The following KCNK10 variants were observed in gnomAD, a reference collection of about 807,000 sequenced individuals.
KCNK10 encodes the protein potassium two pore domain channel subfamily K member 10.
KCNK10 carries 25 observed loss-of-function variants against 47.7 expected under a neutral mutation model. That is an observed-to-expected ratio of 0.52 (90% CI 0.38 to 0.73). The LOEUF is 0.73. Among genes scored for constraint, KCNK10 ranks in the 30% least tolerant of loss-of-function variants. The pLI is 0.00. For synonymous variants in KCNK10, 303 were observed against 285.6 expected, an observed-to-expected ratio of 1.06 and a Z score of -0.61; for missense variants, 563 against 714.5, an observed-to-expected ratio of 0.79 and a Z score of 2.42.
intron 3 of KCNK10, among the ~76,000 whole-genome samples, chr14:88,230,730 C>A (rs1886136473): frequency 6.6e-6 from 1 of 152,080 alleles, no homozygotes; most frequent in South Asian, 2.1e-4. Flanking sequence ...TACTGGGTGC[C>A]ACAAATTATG....
intron 5 of KCNK10, among the ~76,000 whole-genome samples, chr14:88,191,900 A>G (rs1884759717): frequency 6.6e-6 from 1 of 152,204 alleles, no homozygotes; most frequent in African/African-American, 2.4e-5. Context: ...AGCCTTTATC[A>G]TTGGATTAGA....
chr14:88,270,144 C>T (rs1334983130), intron 1 of KCNK10, among the ~76,000 whole-genome samples: 1 of 151,094 alleles, frequency 6.6e-6, no homozygotes, highest in Non-Finnish European at 1.5e-5. Context: ...TGGAATCATT[C>T]CGGGGCCACC....
At position 88,192,342 on chromosome 14, in the gene KCNK10, A is replaced by C; in HGVS notation, c.750T>G (p.Ile250Met). 6.2e-7 allele frequency: 1 copy of C among 1,614,146 alleles called. No individual in the cohort carries two copies. Among genetic ancestry groups the C allele is most frequent in the South Asian group, 1.1e-5 (1 of 91,080 alleles). ...STILFILAGC[I>M]VFVTIPAVIF... ...TGACAGCAGGGATCGTCACAAACAC[A>C]ATGCAGCCGGCCAAGATGAACAGGA... The change falls in exon 5 of 7, where the codon ATT becomes ATG. Residue 250 changes from isoleucine (I) to methionine (M), a missense_variant. Coordinates refer to ENST00000319231, the MANE Select transcript of KCNK10 (RefSeq NM_138317.3).
At chr14:88,313,135 A>G (rs1261985708) in intron 1 of KCNK10, among the ~76,000 whole-genome samples, 3 of 152,228 alleles carry the variant, frequency 2.0e-5, no homozygotes, top group Non-Finnish European at 4.4e-5. Context: ...CTTAAGCTCT[A>G]TAGGCCTCAG....
At chr14:88,282,326 C>T (rs971734891) in intron 1 of KCNK10, among the ~76,000 whole-genome samples, 1 of 152,168 alleles carries the variant, frequency 6.6e-6, no homozygotes, top group African/African-American at 2.4e-5. Flanking sequence ...ATCAAGACAT[C>T]CTGCCACCTT....
At chr14:88,268,486 A>T (rs1290491) in intron 1 of KCNK10, among the ~76,000 whole-genome samples, 8,334 of 152,168 alleles carry the variant, frequency 0.055, 747 homozygotes, top group African/African-American at 0.19. Flanking sequence ...GGCCCAAAAG[A>T]GAGAAGCCAG....
In KCNK10 at chr14:88,185,490, C is replaced by T. The variant is rs1382415575; in HGVS notation, c.*45G>A. 6.4e-7 allele frequency: 1 copy of T among 1,573,792 alleles called. No individual in the cohort carries two copies. The highest frequency in any genetic ancestry group is 8.6e-7 in the Non-Finnish European group (1 of 1,158,846). Reference sequence around the variant, plus strand: ...TCAGTGTGAATATTAAAAACACACACACACACACACACAACGCTCAGTCCA... The same window carrying T: ...TCAGTGTGAATATTAAAAACACACATACACACACACACAACGCTCAGTCCA... On this transcript the variant is annotated 3_prime_UTR_variant, in exon 7 of 7. Coordinates refer to ENST00000319231, the MANE Select transcript of KCNK10 (RefSeq NM_138317.3). The surrounding 1 kb of genome is among the most constrained non-coding windows in gnomAD (Gnocchi z 4.3).
intron 4 of KCNK10, among the ~76,000 whole-genome samples, chr14:88,212,283 A>G (rs898254508): frequency 2.0e-5 from 3 of 151,852 alleles, no homozygotes; most frequent in Admixed American, 6.6e-5. Context: ...ACTACTAAAA[A>G]TACAGAATTA....
At chr14:88,277,503 C>T (rs960956385) in intron 1 of KCNK10, among the ~76,000 whole-genome samples, 2 of 152,218 alleles carry the variant, frequency 1.3e-5, no homozygotes, top group Non-Finnish European at 2.9e-5. Context: ...AAAGGATACC[C>T]ACATTATTCC....
chr14:88,298,876 G>A (rs1039884316), intron 1 of KCNK10, among the ~76,000 whole-genome samples: 6 of 152,006 alleles, frequency 3.9e-5, no homozygotes, highest in East Asian at 1.9e-4. Flanking sequence ...ACCAAACAAC[G>A]GAGACTTGCT....
rs71126969 is a variant in KCNK10 at position 88,197,859 on chromosome 14, G to GGAGAGA, written c.682-5455_682-5450dup. On this transcript the variant is annotated intron_variant, in intron 4 of 6. Transcript: ENST00000319231. ...AAACAGAAGGAAGGAAGGAGGGAAG[G>GGAGAGA]GAGAGAGAGAGAGAGAGAGAGAGAG... Among the ~76,000 whole-genome samples, 876 of 125,396 alleles carry GGAGAGA rather than the reference G, an allele frequency of 7.0e-3. 12 individuals carry two copies. The highest frequency in any genetic ancestry group is 0.021 in the African/African-American group (631 of 30,268). The allele number at this position is 125,396 out of a possible 152,430, so 82.3% of individuals were successfully genotyped here.
At chr14:88,258,210 T>C (rs1887012217) in intron 2 of KCNK10, among the ~76,000 whole-genome samples, 1 of 152,146 alleles carries the variant, frequency 6.6e-6, no homozygotes. Context: ...CATGAATTAC[T>C]GCATTTAATC....
At chr14:88,207,019 G>T (rs780773581) in intron 4 of KCNK10, among the ~76,000 whole-genome samples, 5 of 152,084 alleles carry the variant, frequency 3.3e-5, no homozygotes, top group Non-Finnish European at 7.4e-5. Context: ...GTCTGCATAT[G>T]AATACCATTG....
At chr14:88,256,443 C>T (rs1409475475) in intron 2 of KCNK10, among the ~76,000 whole-genome samples, 3 of 152,128 alleles carry the variant, frequency 2.0e-5, no homozygotes, top group African/African-American at 7.2e-5. Context: ...GTGGAGCCGG[C>T]CCTAGTGTCT....
At chr14:88,309,586 A>G (rs1426082731) in intron 1 of KCNK10, among the ~76,000 whole-genome samples, 1 of 152,208 alleles carries the variant, frequency 6.6e-6, no homozygotes. Flanking sequence ...CGGGCGACAA[A>G]TCAAGATCTT....
chr14:88,180,820 C>G lies in KCNK10; in HGVS notation c.*4715G>C. ...TATGGTGCAGAGACAGAGGACAGGG[C>G]TTTGCTTACAGCCATGTAATTAGCA... is the stretch of plus-strand genomic sequence containing the variant. On this transcript the variant is annotated 3_prime_UTR_variant, in exon 7 of 7. Coordinates refer to ENST00000319231, the MANE Select transcript of KCNK10 (RefSeq NM_138317.3). 1 of 398,730 alleles carries G rather than the reference C, an allele frequency of 2.5e-6. No homozygotes were observed. The highest frequency in any genetic ancestry group is 3.5e-5 in the East Asian group (1 of 28,200). 24.7% of individuals were successfully genotyped at this position (398,730 alleles called of 1,614,324 possible).
intron 2 of KCNK10, among the ~76,000 whole-genome samples, chr14:88,251,069 C>T (rs1422138662): frequency 6.6e-6 from 1 of 151,002 alleles, no homozygotes; most frequent in African/African-American, 2.4e-5. Flanking sequence ...CCCGTCTCTA[C>T]TAAAAATACA....
intron 1 of KCNK10, among the ~76,000 whole-genome samples, chr14:88,270,155 T>A (rs909159902): frequency 1.4e-5 from 2 of 147,670 alleles, no homozygotes; most frequent in African/African-American, 4.9e-5. Context: ...CGGGGCCACC[T>A]GCACTGATGG....
upstream of KCNK10, chr14:88,326,689 G>GC (rs1183381668): frequency 8.9e-6 from 5 of 560,862 alleles, no homozygotes; most frequent in Middle Eastern, 4.8e-4. Context: ...CTGCTACCGG[G>GC]CACGGGTCTC....
Sources: allele counts gnomAD v4.1 joint callset (sites outside exome capture counted in the v4.1 genomes callset), GRCh38; gene constraint gnomAD v4.1.1; non-coding constraint Gnocchi (gnomAD v3.1); transcripts MANE v1.5; gene names NCBI Gene and HGNC (gene_info 2026-07-23, HGNC 2026-07-21).